The following PNPLA8 variants were observed in gnomAD, a reference collection of about 807,000 sequenced individuals.
PNPLA8 encodes the protein calcium-independent phospholipase A2-gamma.
A neutral mutation model predicts 76.9 loss-of-function variants in PNPLA8; 39 were observed. That is an observed-to-expected ratio of 0.51 (90% CI 0.39 to 0.66). The LOEUF (loss-of-function observed/expected upper bound fraction) is 0.66. PNPLA8 is among the 30% of genes least tolerant of loss of function. The pLI is 0.00. For synonymous variants in PNPLA8, 301 were observed against 307.9 expected (o/e 0.98, Z 0.24); for missense variants, 887 against 918.0 (o/e 0.97, Z 0.44).
At chr7:108,525,154 A>C (rs1863991791) in intron 1 of PNPLA8, among the ~76,000 whole-genome samples, 1 of 152,260 alleles carries the variant, frequency 6.6e-6, no homozygotes, top group Non-Finnish European at 1.5e-5. Context: ...TATTGAAAGG[A>C]CAACTAATTT....
Position 108,493,568 on chromosome 7 carries a change from C to T in PNPLA8, c.1626-2101G>A, listed in dbSNP as rs1487031302. On this transcript the variant is annotated intron_variant, in intron 7 of 10. Transcript: ENST00000257694. Reference sequence around the variant, plus strand: ...TACAGGCGCCCGCCCCCATGCCTGGCTTTTTTTTTTTTTTTTTTTTTTTTT... The same window carrying T: ...TACAGGCGCCCGCCCCCATGCCTGGTTTTTTTTTTTTTTTTTTTTTTTTTT... Among the ~76,000 whole-genome samples the T allele has an allele frequency of 6.6e-3, 539 of 81,128 alleles. 9 individuals carry two copies. The highest frequency in any genetic ancestry group is 0.022 in the African/African-American group (459 of 20,930). 53.2% of individuals were successfully genotyped at this position (81,128 alleles called of 152,430 possible). A position where few individuals can be genotyped will look rare whatever the true frequency, so the allele number is the denominator to read the frequency against.
At chr7:108,481,370 A>T (rs1394544019) in intron 9 of PNPLA8, among the ~76,000 whole-genome samples, 1 of 152,194 alleles carries the variant, frequency 6.6e-6, no homozygotes, top group East Asian at 1.9e-4. Context: ...TTACAGTAAT[A>T]CTTGGTACTG....
intron 9 of PNPLA8, among the ~76,000 whole-genome samples, chr7:108,485,410 A>G (rs1598883302): frequency 6.6e-6 from 1 of 152,056 alleles, no homozygotes; most frequent in East Asian, 1.9e-4. Context: ...CCTACACATA[A>G]CTCTTAATTA....
chr7:108,488,070 TATA>T, intron 8 of PNPLA8, 117 bp from the exon 9 acceptor site: 1 of 478,436 alleles, frequency 2.1e-6, no homozygotes. Flanking sequence ...GTGTAACAAA[TATA>T]ATGCTGAAAA....
chr7:108,510,536 C>G, intron 4 of PNPLA8: 1 of 1,388,508 alleles, frequency 7.2e-7, no homozygotes, highest in Non-Finnish European at 1.0e-6. Flanking sequence ...TGGCGTGAGC[C>G]CAAAGGTCCG....
At chr7:108,480,269 G>C (rs1338365257) in intron 9 of PNPLA8, among the ~76,000 whole-genome samples, 1 of 152,162 alleles carries the variant, frequency 6.6e-6, no homozygotes, top group Non-Finnish European at 1.5e-5. Flanking sequence ...TCAGGAGGCT[G>C]AGGTGGGAGA....
chr7:108,526,481 G>A (rs184568016), upstream of PNPLA8, among the ~76,000 whole-genome samples: 1 of 152,368 alleles, frequency 6.6e-6, no homozygotes, highest in East Asian at 1.9e-4. Flanking sequence ...CCTCGGAGCA[G>A]TGTCCTGGTT....
At chr7:108,518,433 T>C (rs575456816) in intron 2 of PNPLA8, 13 of 152,176 alleles carry the variant, frequency 8.5e-5, no homozygotes, top group African/African-American at 2.7e-4. Context: ...TGGATAAATA[T>C]AATTATACAT....
At chr7:108,507,341 CAAAAAAAAAAAAA>C (rs66685490) in intron 4 of PNPLA8, among the ~76,000 whole-genome samples, 4 of 45,372 alleles carry the variant, frequency 8.8e-5, no homozygotes, top group African/African-American at 2.0e-4. Context: ...GACTCTGTCT[CAAAAAAAAAAAAA>C]AAAAAAAAAA....
intron 5 of PNPLA8, among the ~76,000 whole-genome samples, chr7:108,499,880 T>C (rs1037609411): frequency 6.6e-6 from 1 of 152,200 alleles, no homozygotes; most frequent in African/African-American, 2.4e-5. Context: ...TGTCTGACCT[T>C]AGACATGTGA....
intron 8 of PNPLA8, 32 bp downstream of exon 8, chr7:108,491,378 T>G: frequency 7.4e-7 from 1 of 1,351,274 alleles, no homozygotes; most frequent in Non-Finnish European, 1.1e-6. Flanking sequence ...CAGATGGAAC[T>G]AGGTGTTATA....
Position 108,472,327 on chromosome 7 carries a change from C to T in PNPLA8, c.*74G>A, listed in dbSNP as rs1859676110. The T allele has an allele frequency of 1.9e-6, 2 of 1,064,118 alleles. No homozygotes were observed. The highest frequency in any genetic ancestry group is 1.6e-5 in the African/African-American group (1 of 61,766). The allele number at this position is 1,064,118 out of a possible 1,614,324, so 65.9% of individuals were successfully genotyped here. A position where few individuals can be genotyped will look rare whatever the true frequency, so the allele number is the denominator to read the frequency against. ...TATTTCAAAGTTAACTCATGTCGAA[C>T]CCCACAATTCCTTATTGAATGTGGT... On this transcript the variant is annotated 3_prime_UTR_variant, in exon 11 of 11. Coordinates refer to ENST00000257694, the MANE Select transcript of PNPLA8 (RefSeq NM_001256007.3).
chr7:108,494,612 T>C (rs1861427321), intron 7 of PNPLA8, among the ~76,000 whole-genome samples: 2 of 152,218 alleles, frequency 1.3e-5, no homozygotes, highest in Admixed American at 6.5e-5. Context: ...CCACTGTTGA[T>C]GGGCACCTAC....
chr7:108,497,613 G>C (rs773740434), intron 5 of PNPLA8, 36 bp from the exon 6 acceptor site: 17 of 1,240,834 alleles, frequency 1.4e-5, no homozygotes, highest in Non-Finnish European at 1.7e-5. Context: ...GACAATTCCT[G>C]TTTAAAGAAA....
chr7:108,498,992 C>T (rs1861755432), intron 5 of PNPLA8, among the ~76,000 whole-genome samples: 1 of 151,988 alleles, frequency 6.6e-6, no homozygotes, highest in Non-Finnish European at 1.5e-5. Context: ...AAGTAGAAAA[C>T]CAAAGATGCT....
Position 108,514,682 on chromosome 7 carries a change from T to C in PNPLA8, c.810A>G (p.Thr270=), listed in dbSNP as rs749947676. 2 of 1,614,084 alleles carry C rather than the reference T, an allele frequency of 1.2e-6. No homozygotes were observed. The highest frequency in any genetic ancestry group is 8.5e-7 in the Non-Finnish European group (1 of 1,179,948). The change falls in exon 3 of 11, where the codon ACA becomes ACG. Residue 270 remains threonine (T), a synonymous_variant. Coordinates refer to ENST00000257694, the MANE Select transcript of PNPLA8 (RefSeq NM_001256007.3). ...SESVHTVDKP[T]SPSAIPDVLQ... is the part of the protein sequence containing the mutation. ...GAACATCAGGTATCGCAGAAGGACT[T>C]GTAGGCTTGTCCACCGTATGTACAG...
upstream of PNPLA8, among the ~76,000 whole-genome samples, chr7:108,526,545 C>T (rs144707062): frequency 6.6e-6 from 1 of 152,214 alleles, no homozygotes; most frequent in African/African-American, 2.4e-5. Flanking sequence ...TCCCTCTCCG[C>T]GTCCCTGAAG....
Position 108,497,525 on chromosome 7 carries a change from G to A in PNPLA8, c.1411C>T (p.Pro471Ser). 1 of 1,611,902 alleles carries A rather than the reference G, an allele frequency of 6.2e-7. No individual in the cohort carries two copies. Among genetic ancestry groups the A allele is most frequent in the South Asian group, 1.1e-5 (1 of 90,788 alleles). The change falls in exon 6 of 11, where the codon CCA becomes TCA. Residue 471 changes from proline to serine, a missense_variant. Coordinates refer to ENST00000257694, the MANE Select transcript of PNPLA8 (RefSeq NM_001256007.3). ...ATGTAATCAAAGAGCTGATGAACTGGCTTCTGAGTAAGTTCAACTAATTTT... is the reference window on the plus strand; with the variant it reads ...ATGTAATCAAAGAGCTGATGAACTGACTTCTGAGTAAGTTCAACTAATTTT... ...LRKLVELTQKPVHQLFDYICG... is the reference protein window; with the variant it reads ...LRKLVELTQKSVHQLFDYICG...
intron 7 of PNPLA8, among the ~76,000 whole-genome samples, chr7:108,495,869 A>C (rs1182683218): frequency 3.9e-5 from 6 of 152,224 alleles, no homozygotes; most frequent in African/African-American, 1.4e-4. Flanking sequence ...AAGGATACGA[A>C]TTTACAACTA....
Sources: allele counts gnomAD v4.1 joint callset (sites outside exome capture counted in the v4.1 genomes callset), GRCh38; gene constraint gnomAD v4.1.1; transcripts MANE v1.5; gene names NCBI Gene and HGNC (gene_info 2026-07-23, HGNC 2026-07-21).